The following MYO18B variants were observed in gnomAD, a reference collection of about 807,000 sequenced individuals.
The protein encoded by MYO18B is unconventional myosin-XVIIIb.
MYO18B carries 204 observed loss-of-function variants against 273.0 expected under a neutral mutation model. That is an observed-to-expected ratio of 0.75 (90% confidence interval 0.67 to 0.84). The LOEUF is 0.84. Among genes scored for constraint, MYO18B ranks in the 40% least tolerant of loss-of-function variants. The probability of loss-of-function intolerance (pLI) is 0.00; values close to 1 mark genes in which losing one functional copy is unlikely to be tolerated. For missense variants in MYO18B, 3,212 were observed against 3,287.6 expected, an observed-to-expected ratio of 0.98 and a Z score of 0.56; for synonymous variants, 1,330 against 1,305.7, an observed-to-expected ratio of 1.02 and a Z score of -0.40.
At chr22:25,837,971 C>T (rs2089956897) in intron 17 of MYO18B, among the ~76,000 whole-genome samples, 1 of 152,032 alleles carries the variant, frequency 6.6e-6, no homozygotes, top group Non-Finnish European at 1.5e-5. Flanking sequence ...CAGATTGTCC[C>T]ATCACTCAGG....
At chr22:25,991,838 G>A (rs937611128) in intron 39 of MYO18B, among the ~76,000 whole-genome samples, 1 of 152,210 alleles carries the variant, frequency 6.6e-6, no homozygotes, top group Admixed American at 6.5e-5. Flanking sequence ...TGTTCTGGAG[G>A]GAGCCCAGCT....
At chr22:25,904,285 C>G (rs997911339) in intron 31 of MYO18B, among the ~76,000 whole-genome samples, 19 of 152,196 alleles carry the variant, frequency 1.2e-4, no homozygotes, top group African/African-American at 3.9e-4. Context: ...ATAGCTGATG[C>G]TCAATAAATA....
At chr22:25,913,986 G>A (rs1207290833) in intron 33 of MYO18B, among the ~76,000 whole-genome samples, 1 of 152,256 alleles carries the variant, frequency 6.6e-6, no homozygotes, top group African/African-American at 2.4e-5. Context: ...ACATTTTTAG[G>A]TCTCTAATCC....
chr22:25,826,271 A>G (rs920650526), intron 13 of MYO18B, 138 bp from the exon 14 acceptor site: 1 of 602,872 alleles, frequency 1.7e-6, no homozygotes, highest in Non-Finnish European at 2.9e-6. Flanking sequence ...GAACCTGGGG[A>G]AATAATTTTA....
chr22:25,865,715 G>T (rs959106021), intron 21 of MYO18B, among the ~76,000 whole-genome samples: 6 of 152,108 alleles, frequency 3.9e-5, no homozygotes, highest in African/African-American at 1.4e-4. Flanking sequence ...AACCCAGATG[G>T]ATCTAACTCT....
chr22:26,046,365 C>T, the MYO18B span, among the ~76,000 whole-genome samples: 1 of 152,212 alleles, frequency 6.6e-6, no homozygotes, highest in African/African-American at 2.4e-5. Context: ...CACCTTCTAA[C>T]TTGCACTAAC....
chr22:25,813,855 G>A (rs2088875880), intron 12 of MYO18B, among the ~76,000 whole-genome samples: 1 of 152,122 alleles, frequency 6.6e-6, no homozygotes, highest in Admixed American at 6.6e-5. Flanking sequence ...GCCCCATTCT[G>A]CCCAAATGCC....
chr22:25,872,793 G>GT (rs2091083706), intron 22 of MYO18B, among the ~76,000 whole-genome samples: 1 of 152,100 alleles, frequency 6.6e-6, no homozygotes, highest in Non-Finnish European at 1.5e-5. Flanking sequence ...CCAAAACACA[G>GT]TAAGTGCCCC....
chr22:25,892,312 G>T (rs2146286722), intron 27 of MYO18B: 1 of 152,362 alleles, frequency 6.6e-6, no homozygotes, highest in South Asian at 2.1e-4. Flanking sequence ...TTCAAAGAGG[G>T]TAAAGCTGTG....
chr22:26,024,956 T>A (rs1712939330), intron 42 of MYO18B, among the ~76,000 whole-genome samples: 1 of 152,190 alleles, frequency 6.6e-6, no homozygotes, highest in African/African-American at 2.4e-5. Context: ...ATTCATAGAT[T>A]GCCATCTCAC....
intron 1 of MYO18B, among the ~76,000 whole-genome samples, chr22:25,744,164 T>G (rs2085708043): frequency 6.6e-6 from 1 of 152,164 alleles, no homozygotes; most frequent in Non-Finnish European, 1.5e-5. Context: ...GCACAGCACT[T>G]TATTAGGGTC....
At chr22:25,876,003 C>CGTGTGTGTGTGTGTGTGTGTGT (rs4049349) in intron 23 of MYO18B, among the ~76,000 whole-genome samples, 186 bp from the exon 24 acceptor site, 2 of 139,920 alleles carry the variant, frequency 1.4e-5, no homozygotes, top group African/African-American at 5.4e-5. Flanking sequence ...AAAGGAAGCC[C>CGTGTGTGTGTGTGTGTGTGTGT]GTGTGTGTGT....
chr22:26,025,514 G>A lies in MYO18B; in HGVS notation c.6471-931G>A, dbSNP rs544882712. Among the ~76,000 whole-genome samples the A allele has an allele frequency of 2.0e-3, 311 of 152,246 alleles. 1 individual carries two copies. The highest frequency in any genetic ancestry group is 7.1e-3 in the African/African-American group (295 of 41,532). Reference sequence around the variant, plus strand: ...ATGATTGGAAACCCGCGTGTGCATCGCCCTCAGCATCTCTTCAGGCCTGAG... The same window carrying A: ...ATGATTGGAAACCCGCGTGTGCATCACCCTCAGCATCTCTTCAGGCCTGAG... On this transcript the variant is annotated intron_variant, in intron 42 of 43. Transcript: ENST00000335473.
chr22:26,002,844 A>G (rs1601808347), intron 40 of MYO18B, among the ~76,000 whole-genome samples: 2 of 152,308 alleles, frequency 1.3e-5, no homozygotes, highest in East Asian at 3.9e-4. Flanking sequence ...GTTTCCCACA[A>G]TGCCCTGGGA....
Position 25,835,528 on chromosome 22 carries a change from A to G in MYO18B, c.3208+85A>G, listed in dbSNP as rs556119941. 3.8e-6 allele frequency: 6 copies of G among 1,559,224 alleles called. No individual in the cohort carries two copies. In the African/African-American group the frequency reaches 8.1e-5, roughly 21 times the overall value. ...CTTCTCTGCTGCAGGGAAAGCCCTGACAAGGCCTGCACAGAGGCTCCAACG... is the reference window on the plus strand; with the variant it reads ...CTTCTCTGCTGCAGGGAAAGCCCTGGCAAGGCCTGCACAGAGGCTCCAACG... On this transcript the variant is annotated intron_variant, in intron 17 of 43. Transcript: ENST00000335473.
At chr22:25,758,358 T>TACCCAGCA (rs1455583182) in intron 1 of MYO18B, among the ~76,000 whole-genome samples, 1 of 149,966 alleles carries the variant, frequency 6.7e-6, no homozygotes, top group Non-Finnish European at 1.5e-5. Flanking sequence ...ATTATTATAC[T>TACCCAGCA]ACCCAGCAGT....
intron 39 of MYO18B, among the ~76,000 whole-genome samples, chr22:25,973,097 C>T (rs1199845073): frequency 6.6e-6 from 1 of 152,132 alleles, no homozygotes; most frequent in East Asian, 1.9e-4. Context: ...TTCTGAAGGA[C>T]ACTATCTACT....
intron 39 of MYO18B, among the ~76,000 whole-genome samples, chr22:25,975,392 A>G (rs1168535345): frequency 1.3e-5 from 2 of 152,158 alleles, no homozygotes; most frequent in African/African-American, 2.4e-5. Flanking sequence ...TCCTAATATC[A>G]TATAGTCTGA....
chr22:25,903,858 A>G (rs549847883), intron 31 of MYO18B, 27 bp downstream of exon 31: 1 of 1,570,478 alleles, frequency 6.4e-7, no homozygotes, highest in East Asian at 2.4e-5. Flanking sequence ...TCAGGGCAAC[A>G]CCCTGTCCCA....
Sources: gnomAD v4.1 joint callset for allele counts (sites outside exome capture counted in the v4.1 genomes callset) on GRCh38, gnomAD v4.1.1 for gene constraint, MANE v1.5 for transcripts, NCBI Gene and HGNC (gene_info 2026-07-23, HGNC 2026-07-21) for gene names.